Variants in ZNF318 observed in about 807,000 individuals in gnomAD.
ZNF318 encodes the protein endocrine regulator.
A neutral mutation model predicts 124.2 loss-of-function variants in ZNF318; 51 were observed. The observed-to-expected ratio is 0.41, with a 90% CI of 0.33 to 0.52. ZNF318 has a LOEUF of 0.52. ZNF318 is among the 20% of genes least tolerant of loss of function. The probability of loss-of-function intolerance (pLI) is 0.23; values close to 1 mark genes in which losing one functional copy is unlikely to be tolerated. For missense variants in ZNF318, 2,815 were observed against 2,811.2 expected (o/e 1.00, Z -0.03); for synonymous variants, 1,090 against 1,040.7 (o/e 1.05, Z -0.91).
In ZNF318 at chr6:43,339,086, T is replaced by C. The variant is rs968468223; in HGVS notation, c.4912A>G (p.Ile1638Val). ...HQDEGLVAAPIVSNSEKPIAK... is the reference protein window; with the variant it reads ...HQDEGLVAAPVVSNSEKPIAK... ...ATGGGCTTTTCAGAGTTGCTAACTA[T>C]AGGAGCAGCGACCAAACCCTCATCT... The change falls in exon 10 of 10, where the codon ATA becomes GTA. Residue 1638 changes from isoleucine to valine, a missense_variant. By Grantham distance (29) the Ile-to-Val change is conservative. Coordinates refer to ENST00000361428, the MANE Select transcript of ZNF318 (RefSeq NM_014345.3). The surrounding 1 kb of genome is among the most constrained non-coding windows in gnomAD (Gnocchi z 4.2). 3 of 1,614,082 alleles carry C rather than the reference T, an allele frequency of 1.9e-6. No homozygotes were observed. The highest frequency in any genetic ancestry group is 1.3e-5 in the African/African-American group (1 of 74,924).
rs776385139 is a variant in ZNF318 at position 43,348,363 on chromosome 6, T to C, written c.3033A>G (p.Pro1011=). The change falls in exon 6 of 10, where the codon CCA becomes CCG. Residue 1011 remains proline (P), a synonymous_variant. Transcript: ENST00000361428. The part of the protein sequence containing the change: ...KPGKAEKSKS[P]EKVSSFSNSS... ...AGTTTGAGAACGATGACACTTTTTCTGGGCTCTTAGATTTTTCTGCTTTCC... is the reference window on the plus strand; with the variant it reads ...AGTTTGAGAACGATGACACTTTTTCCGGGCTCTTAGATTTTTCTGCTTTCC... 1.2e-6 allele frequency: 2 copies of C among 1,612,180 alleles called. No homozygotes were observed. The highest frequency in any genetic ancestry group is 2.2e-5 in the South Asian group (2 of 90,526).
intron 4 of ZNF318, among the ~76,000 whole-genome samples, chr6:43,354,337 C>T (rs1779573784): frequency 6.6e-6 from 1 of 152,130 alleles, no homozygotes; most frequent in Non-Finnish European, 1.5e-5. Context: ...AATTTTGGTT[C>T]CCTACTCCAC....
At chr6:43,356,988 C>T (rs969333724) in intron 3 of ZNF318, 138 bp downstream of exon 3, 3 of 1,024,050 alleles carry the variant, frequency 2.9e-6, no homozygotes, top group African/African-American at 3.2e-5. Flanking sequence ...TTTGGAGAGT[C>T]CTAGAAGGTG....
chr6:43,368,961 G>T lies in ZNF318; in HGVS notation c.399+6C>A, dbSNP rs1340675402. ...GGAGGGAGTCCTGGACGAGGGGTGG[G>T]ATTACCCGGCTGCCGCTGTCGCCTG... is the stretch of plus-strand genomic sequence containing the variant. On this transcript the variant is annotated splice_donor_region_variant and intron_variant, in intron 1 of 9. Transcript: ENST00000361428. The T allele has an allele frequency of 1.4e-6, 2 of 1,400,112 alleles. No individual in the cohort carries two copies. Among genetic ancestry groups the T allele is most frequent in the African/African-American group, 1.5e-5 (1 of 66,892 alleles). The allele number at this position is 1,400,112 out of a possible 1,614,324, so 86.7% of individuals were successfully genotyped here. A position where few individuals can be genotyped will look rare whatever the true frequency, so the allele number is the denominator to read the frequency against.
rs1247906884 is a variant in ZNF318 at position 43,367,164 on chromosome 6, C to G, written c.400-1724G>C. On this transcript the variant is annotated intron_variant, in intron 1 of 9. Transcript: ENST00000361428. Reference sequence around the variant, plus strand: ...CGCGCCCGGCCCTATTTTAGTACTTCTTAGTCCTTCTTAGTACTTAATTAC... The same window carrying G: ...CGCGCCCGGCCCTATTTTAGTACTTGTTAGTCCTTCTTAGTACTTAATTAC... Among the ~76,000 whole-genome samples, 3 of 152,308 alleles carry G rather than the reference C, an allele frequency of 2.0e-5. No individual in the cohort carries two copies. The East Asian group carries it at 5.8e-4, about 29-fold the overall frequency.
chr6:43,348,677 A>C, intron 5 of ZNF318, 52 bp from the exon 6 acceptor site: 1 of 1,571,792 alleles, frequency 6.4e-7, no homozygotes, highest in Non-Finnish European at 8.7e-7. Context: ...AAGACGAGTC[A>C]TTTCTCATTT....
rs1174549236 is a variant in ZNF318 at position 43,369,453 on chromosome 6, CCGCCACCTCGGCCGCTGCG to C, written c.-107_-89del. ...GAGCGCGCCGCCGCAGCTGCAGCCG[CCGCCACCTCGGCCGCTGCG>C]CGCCGCCTCAGCCGCGGGAGCAGCC... On this transcript the variant is annotated 5_prime_UTR_variant, in exon 1 of 10. Transcript: ENST00000361428. 20 of 1,059,636 alleles carry C rather than the reference CCGCCACCTCGGCCGCTGCG, an allele frequency of 1.9e-5. No individual in the cohort carries two copies. The highest frequency in any genetic ancestry group is 3.4e-5 in the African/African-American group (2 of 58,940). 65.6% of individuals were successfully genotyped at this position (1,059,636 alleles called of 1,614,324 possible).
At chr6:43,358,219 T>A (rs979406910) in intron 2 of ZNF318, among the ~76,000 whole-genome samples, 2 of 152,180 alleles carry the variant, frequency 1.3e-5, no homozygotes, top group African/African-American at 4.8e-5. Flanking sequence ...TACTTTAAAG[T>A]TTGAGAAACA....
At chr6:43,364,833 C>A (rs1779738053) in intron 2 of ZNF318, among the ~76,000 whole-genome samples, 1 of 152,232 alleles carries the variant, frequency 6.6e-6, no homozygotes, top group Non-Finnish European at 1.5e-5. Flanking sequence ...CACATACACA[C>A]ATATATTAGA....
rs938479942 is a variant in ZNF318 at position 43,342,848 on chromosome 6, G to A, written c.3104C>T (p.Thr1035Ile). The A allele has an allele frequency of 6.2e-7, 1 of 1,613,104 alleles. No homozygotes were observed. The change falls in exon 7 of 10, where the codon ACT (threonine) becomes ATT (isoleucine). Residue 1035 changes from threonine to isoleucine, a missense_variant. Thr to Ile is a moderately conservative substitution (Grantham distance 89). Transcript: ENST00000361428. ...GCTTTCGGCAGGCTTGGGGCTCTTA[G>A]TACGAAACTTCTCATTGTTTACTTT... ...ESKVNNEKFR[T>I]KSPKPAESPQ...
rs1028610470 is a variant in ZNF318, at chr6:43,337,072, G to A, written c.*86C>T. On this transcript the variant is annotated 3_prime_UTR_variant, in exon 10 of 10. Transcript: ENST00000361428. ...GCATCTCTTGGTGTAGGTTCCAGAT[G>A]AGATAACAAACTAGTCTTGGATCAT... 8.5e-6 allele frequency: 11 copies of A among 1,291,844 alleles called. No individual in the cohort carries two copies. Among genetic ancestry groups the A allele is most frequent in the Non-Finnish European group, 1.1e-5 (11 of 960,606 alleles). 80.0% of individuals were successfully genotyped at this position (1,291,844 alleles called of 1,614,324 possible).
chr6:43,357,885 C>A, intron 2 of ZNF318, 120 bp from the exon 3 acceptor site: 1 of 886,408 alleles, frequency 1.1e-6, no homozygotes, highest in Admixed American at 2.5e-5. Context: ...AGACTATAAT[C>A]ATGAAGTCCA....
At chr6:43,356,216 T>TA (rs933524177) in intron 3 of ZNF318, 71 bp from the exon 4 acceptor site, 2 of 1,474,078 alleles carry the variant, frequency 1.4e-6, no homozygotes, top group Non-Finnish European at 1.8e-6. Context: ...GATAAATACT[T>TA]AAATACTTTG....
chr6:43,365,414 G>A lies in ZNF318; in HGVS notation c.426C>T (p.Asp142=). 6.2e-7 allele frequency: 1 copy of A among 1,614,020 alleles called. No homozygotes were observed. Among genetic ancestry groups the A allele is most frequent in the South Asian group, 1.1e-5 (1 of 91,086 alleles). ...TGATCCTTAAGCTCTTTTCCAAAGA[G>A]TCAGAACACAGACCAGGAGAGCGTC... ...SRRRSPGLCS[D]SLEKSLRITV... The change falls in exon 2 of 10, where the codon GAC becomes GAT. Residue 142 remains aspartate, a synonymous_variant. Coordinates refer to ENST00000361428, the MANE Select transcript of ZNF318 (RefSeq NM_014345.3).
Position 43,355,988 on chromosome 6 carries a change from T to C in ZNF318, c.1346A>G (p.Asn449Ser), listed in dbSNP as rs1359024060. 1.6e-5 allele frequency: 26 copies of C among 1,614,046 alleles called. No homozygotes were observed. The highest frequency in any genetic ancestry group is 2.2e-5 in the Non-Finnish European group (26 of 1,180,028). ...VETALKEPQG[N>S]LYQWGPLPGI... ...AGGAAGGGGACCCCATTGGTAGAGGTTGCCCTGAGGTTCCTTCAAGGCAGT... is the reference window on the plus strand; with the variant it reads ...AGGAAGGGGACCCCATTGGTAGAGGCTGCCCTGAGGTTCCTTCAAGGCAGT... The change falls in exon 4 of 10, where the codon AAC (asparagine) becomes AGC (serine). Residue 449 changes from asparagine to serine, a missense_variant. Transcript: ENST00000361428.
At chr6:43,348,765 G>A in intron 5 of ZNF318, 140 bp from the exon 6 acceptor site, 6 of 992,296 alleles carry the variant, frequency 6.0e-6, no homozygotes, top group South Asian at 1.7e-5. Context: ...TAGGCGTGGT[G>A]GCTCATGCCT....
intron 6 of ZNF318, among the ~76,000 whole-genome samples, chr6:43,343,986 T>C (rs754507041): frequency 2.0e-5 from 3 of 152,148 alleles, no homozygotes; most frequent in Admixed American, 6.6e-5. Flanking sequence ...ATGAGAATTT[T>C]GGTTAATGTT....
rs777642143 is a variant in ZNF318, at chr6:43,338,601, G to C, written c.5397C>G (p.Thr1799=). The part of the protein sequence containing the change: ...SEGIVDEGVS[T]SIGPHSIDDS... ...CATCTATGCTGTGGGGTCCAATGCT[G>C]GTACTTACTCCCTCATCAACTATCC... is the stretch of plus-strand genomic sequence containing the variant. Residue 1799 remains threonine (T), a synonymous_variant, in exon 10 of 10, where the codon ACC becomes ACG. Transcript: ENST00000361428. 3 of 1,613,964 alleles carry C rather than the reference G, an allele frequency of 1.9e-6. No homozygotes were observed. The African/African-American group carries it at 4.0e-5, about 22-fold the overall frequency.
chr6:43,337,546 A>G lies in ZNF318; in HGVS notation c.6452T>C (p.Leu2151Pro), dbSNP rs1223059921. 2 of 1,614,104 alleles carry G rather than the reference A, an allele frequency of 1.2e-6. No individual in the cohort carries two copies. The highest frequency in any genetic ancestry group is 1.7e-6 in the Non-Finnish European group (2 of 1,180,000). ...ESSQLDKQES[L>P]GLELKTINSA... ...ATTAATTGTTTTTAATTCCAATCCG[A>G]GTGACTCTTGTTTGTCTAATTGGGA... The change falls in exon 10 of 10, where the codon CTC becomes CCC. Residue 2151 changes from leucine to proline, a missense_variant. By Grantham distance (98) the Leu-to-Pro change is moderately conservative. This residue lies in a region of ZNF318 where 927 missense variants were observed against 820.6 expected (regional missense o/e 1.13). Transcript: ENST00000361428.
Sources: allele counts gnomAD v4.1 joint callset (sites outside exome capture counted in the v4.1 genomes callset), GRCh38; gene constraint gnomAD v4.1.1; regional missense constraint gnomAD v4.1.1; non-coding constraint Gnocchi (gnomAD v3.1); transcripts MANE v1.5; gene names NCBI Gene and HGNC (gene_info 2026-07-23, HGNC 2026-07-21).